MAST4: variants seen among roughly 807,000 people sequenced by gnomAD.
MAST4 encodes the protein microtubule associated serine/threonine kinase family member 4, also known as microtubule-associated serine/threonine-protein kinase 4.
In MAST4, 89 loss-of-function variants were observed where a neutral mutation model predicts 162.7. That is an observed-to-expected ratio of 0.55 (90% CI 0.46 to 0.65). The LOEUF is 0.65. Among genes scored for constraint, MAST4 ranks in the 30% least tolerant of loss-of-function variants. The probability of loss-of-function intolerance (pLI) is 0.00; values close to 1 mark genes in which losing one functional copy is unlikely to be tolerated. For missense variants in MAST4, 3,153 were observed against 3,374.0 expected (o/e 0.93, Z 1.62); for synonymous variants, 1,479 against 1,361.1 (o/e 1.09, Z -1.91).
intron 4 of MAST4, among the ~76,000 whole-genome samples, chr5:66,958,135 A>G (rs1031571520): frequency 3.3e-4 from 50 of 150,728 alleles, no homozygotes; most frequent in Admixed American, 2.0e-4. Flanking sequence ...GTGTGTGTGT[A>G]TGTGTGAAAG....
chr5:67,017,651 T>C (rs149715384), intron 4 of MAST4, among the ~76,000 whole-genome samples: 3 of 150,480 alleles, frequency 2.0e-5, no homozygotes, highest in Non-Finnish European at 4.4e-5. Flanking sequence ...TCACCCAGGC[T>C]GGAGTGCAAT....
chr5:67,150,066 A>G (rs1193046979), intron 24 of MAST4, among the ~76,000 whole-genome samples: 1 of 152,230 alleles, frequency 6.6e-6, no homozygotes, highest in Non-Finnish European at 1.5e-5. Flanking sequence ...ATAGAGTCAC[A>G]GACAGCATTG....
At chr5:67,042,179 G>A (rs1313011033) in intron 4 of MAST4, among the ~76,000 whole-genome samples, 23 of 152,126 alleles carry the variant, frequency 1.5e-4, no homozygotes, top group Admixed American at 1.5e-3. Context: ...ATGTACCCTG[G>A]TTGTGGGAGC....
chr5:66,844,853 A>C (rs1758698775), intron 3 of MAST4, among the ~76,000 whole-genome samples: 1 of 151,848 alleles, frequency 6.6e-6, no homozygotes, highest in Non-Finnish European at 1.5e-5. Flanking sequence ...TTCACCTTAC[A>C]TTTTGGGTCC....
At chr5:66,782,989 G>T (rs1754947582) in intron 2 of MAST4, among the ~76,000 whole-genome samples, 1 of 152,188 alleles carries the variant, frequency 6.6e-6, no homozygotes, top group South Asian at 2.1e-4. Context: ...TCTAATGACT[G>T]TCTTAAATCC....
At chr5:67,077,835 C>T (rs1761843510) in intron 5 of MAST4, among the ~76,000 whole-genome samples, 1 of 152,182 alleles carries the variant, frequency 6.6e-6, no homozygotes, top group African/African-American at 2.4e-5. Context: ...TGCAGTGGCT[C>T]ATGCCTATAA....
intron 4 of MAST4, chr5:66,930,859 A>C (rs1742116871): frequency 2.2e-6 from 1 of 462,746 alleles, no homozygotes; most frequent in African/African-American, 2.0e-5. Context: ...GCAGAGATGG[A>C]TAGAATTGTT....
rs145305259 is a variant in MAST4 at position 66,736,916 on chromosome 5, G to A, written c.364-22793G>A. ...GAGAATGCTGTACTTGGTTGAACATGTTTGCGTCCCCTCTGTAATATCCGA... is the reference window on the plus strand; with the variant it reads ...GAGAATGCTGTACTTGGTTGAACATATTTGCGTCCCCTCTGTAATATCCGA... On this transcript the variant is annotated intron_variant, in intron 1 of 28. Transcript: ENST00000403625. Among the ~76,000 whole-genome samples, 14 of 152,290 alleles carry A rather than the reference G, an allele frequency of 9.2e-5. No individual in the cohort carries two copies. In the East Asian group the frequency reaches 2.1e-3, roughly 23 times the overall value.
intron 1 of MAST4, among the ~76,000 whole-genome samples, chr5:66,655,613 C>G (rs942550162): frequency 1.3e-5 from 2 of 152,112 alleles, no homozygotes; most frequent in Non-Finnish European, 2.9e-5. Flanking sequence ...ACCTAGGGCT[C>G]CCTGAGGAGA....
intron 1 of MAST4, among the ~76,000 whole-genome samples, chr5:66,731,086 A>G (rs1751820189): frequency 6.6e-6 from 1 of 152,152 alleles, no homozygotes; most frequent in Admixed American, 6.6e-5. Context: ...ACCTCTGAAA[A>G]TTATTTCAGT....
intron 11 of MAST4, among the ~76,000 whole-genome samples, chr5:67,111,654 T>C (rs1228434773): frequency 1.3e-5 from 2 of 152,224 alleles, no homozygotes; most frequent in Non-Finnish European, 2.9e-5. Flanking sequence ...GACCACATGT[T>C]TGTACTTCCC....
intron 1 of MAST4, among the ~76,000 whole-genome samples, chr5:66,679,231 G>A (rs1748164616): frequency 6.6e-6 from 1 of 152,202 alleles, no homozygotes; most frequent in Non-Finnish European, 1.5e-5. Flanking sequence ...TTCGTTCAGG[G>A]GAGAGGTAAG....
chr5:66,708,336 A>G (rs1750273988), intron 1 of MAST4, among the ~76,000 whole-genome samples: 1 of 152,182 alleles, frequency 6.6e-6, no homozygotes, highest in African/African-American at 2.4e-5. Flanking sequence ...TAATATCTCT[A>G]TCACTGGAAG....
chr5:66,782,889 C>T (rs1170186748), intron 2 of MAST4, among the ~76,000 whole-genome samples: 1 of 152,214 alleles, frequency 6.6e-6, no homozygotes, highest in Non-Finnish European at 1.5e-5. Flanking sequence ...GACAGCAACA[C>T]ACTTTTTAGA....
chr5:67,012,959 C>A (rs995446355), intron 4 of MAST4, among the ~76,000 whole-genome samples: 4 of 152,132 alleles, frequency 2.6e-5, no homozygotes, highest in Admixed American at 1.3e-4. Flanking sequence ...AGGCTTTGAT[C>A]AGTACTTGAA....
chr5:66,751,851 C>T (rs1235493224), intron 1 of MAST4, among the ~76,000 whole-genome samples: 2 of 148,516 alleles, frequency 1.3e-5, no homozygotes, highest in African/African-American at 5.0e-5. Context: ...GTCAGATTCA[C>T]CAAAGTTGAA....
chr5:66,753,657 C>G (rs1250767270), intron 1 of MAST4, among the ~76,000 whole-genome samples: 2 of 151,338 alleles, frequency 1.3e-5, no homozygotes, highest in African/African-American at 4.9e-5. Flanking sequence ...TGGCAATAAT[C>G]AATAGCTTAC....
chr5:66,895,268 C>T (rs1199520983), intron 3 of MAST4, among the ~76,000 whole-genome samples: 1 of 152,160 alleles, frequency 6.6e-6, no homozygotes, highest in Non-Finnish European at 1.5e-5. Context: ...ACAATCCTCC[C>T]TTCTTCTTTA....
At chr5:67,053,626 A>G (rs1157487971) in intron 4 of MAST4, among the ~76,000 whole-genome samples, 3 of 152,192 alleles carry the variant, frequency 2.0e-5, no homozygotes, top group Admixed American at 6.5e-5. Context: ...CCAGTTTTGT[A>G]TTTGTCTTAT....
Sources: gnomAD v4.1 joint callset for allele counts (sites outside exome capture counted in the v4.1 genomes callset) on GRCh38, gnomAD v4.1.1 for gene constraint, MANE v1.5 for transcripts, NCBI Gene and HGNC (gene_info 2026-07-23, HGNC 2026-07-21) for gene names.